The following SRD5A2 variants were observed in gnomAD, a reference collection of about 807,000 sequenced individuals.
The protein encoded by SRD5A2 is 3-oxo-5-alpha-steroid 4-dehydrogenase 2.
SRD5A2 carries 30 observed loss-of-function variants against 27.4 expected under a neutral mutation model. The ratio of observed to expected loss-of-function variants is 1.10; its 90% CI spans 0.82 to 1.49. The LOEUF (loss-of-function observed/expected upper bound fraction) is 1.49. SRD5A2 is among the 40% of genes most tolerant of loss of function. The pLI, the probability that SRD5A2 is intolerant of heterozygous loss-of-function variation, is 0.00. For synonymous variants in SRD5A2, 141 were observed against 133.6 expected (o/e 1.06, Z -0.38); for missense variants, 348 against 323.4 (o/e 1.08, Z -0.58).
chr2:31,542,994 A>G (rs1335987711), intron 1 of SRD5A2, among the ~76,000 whole-genome samples: 4 of 152,226 alleles, frequency 2.6e-5, no homozygotes, highest in African/African-American at 9.6e-5. Context: ...ACATGGATAT[A>G]CATTATAATC....
chr2:31,657,066 G>A, the SRD5A2 span, among the ~76,000 whole-genome samples: 1 of 152,134 alleles, frequency 6.6e-6, no homozygotes, highest in Non-Finnish European at 1.5e-5. Context: ...GATGAGACAG[G>A]ACAACTAAAT....
At chr2:31,569,246 T>C (rs1666801679) in intron 1 of SRD5A2, among the ~76,000 whole-genome samples, 1 of 152,290 alleles carries the variant, frequency 6.6e-6, no homozygotes, top group African/African-American at 2.4e-5. Context: ...CACATGCTTT[T>C]ATTTTTCTTA....
chr2:31,560,248 G>C (rs1666593669), intron 1 of SRD5A2, among the ~76,000 whole-genome samples: 1 of 152,068 alleles, frequency 6.6e-6, no homozygotes, highest in African/African-American at 2.4e-5. Flanking sequence ...CTGCTATTTA[G>C]AAATCTGTCA....
At chr2:31,595,062 T>C in the SRD5A2 span, among the ~76,000 whole-genome samples, 1 of 152,056 alleles carries the variant, frequency 6.6e-6, no homozygotes, top group Non-Finnish European at 1.5e-5. Context: ...GCAAAAGCAG[T>C]ACTAAGAGGA....
chr2:31,641,779 A>G, the SRD5A2 span, among the ~76,000 whole-genome samples: 8 of 152,148 alleles, frequency 5.3e-5, no homozygotes, highest in South Asian at 2.1e-4. Flanking sequence ...TTCCTGGGGG[A>G]AAAAAACAAC....
At chr2:31,581,598 G>A (rs1293818870), upstream of SRD5A2, among the ~76,000 whole-genome samples, 2 of 152,134 alleles carry the variant, frequency 1.3e-5, no homozygotes, top group African/African-American at 4.8e-5. Flanking sequence ...CCCCGCACGC[G>A]TCCCTGAGCC....
chr2:31,601,119 A>T, the SRD5A2 span, among the ~76,000 whole-genome samples: 1 of 151,950 alleles, frequency 6.6e-6, no homozygotes, highest in Admixed American at 6.6e-5. Flanking sequence ...TCCTTCAAAA[A>T]ATCAACCAAT....
chr2:31,541,754 AGACAAT>A (rs1666134136), intron 1 of SRD5A2, among the ~76,000 whole-genome samples: 1 of 152,178 alleles, frequency 6.6e-6, no homozygotes, highest in Non-Finnish European at 1.5e-5. Flanking sequence ...TAGCACAGAG[AGACAAT>A]CTGTAAACCT....
chr2:31,561,804 T>A (rs576319079), intron 1 of SRD5A2, among the ~76,000 whole-genome samples: 9 of 152,226 alleles, frequency 5.9e-5, no homozygotes, highest in South Asian at 2.1e-4. Context: ...TTTAAAAAAA[T>A]TTTTAATACC....
At chr2:31,574,655 C>A (rs1666919735) in intron 1 of SRD5A2, among the ~76,000 whole-genome samples, 1 of 151,986 alleles carries the variant, frequency 6.6e-6, no homozygotes, top group Non-Finnish European at 1.5e-5. Context: ...AACTTAGAAC[C>A]CAAGAATTCT....
intron 1 of SRD5A2, chr2:31,563,529 T>C (rs964347562): frequency 6.6e-6 from 1 of 152,018 alleles, no homozygotes; most frequent in Non-Finnish European, 1.5e-5. Context: ...CAGGCTGAGG[T>C]ACAGGGAAGG....
chr2:31,639,613 A>G, the SRD5A2 span, among the ~76,000 whole-genome samples: 3 of 151,784 alleles, frequency 2.0e-5, no homozygotes, highest in African/African-American at 7.3e-5. Context: ...TTTGCTGGAT[A>G]CCATTTCTCA....
chr2:31,537,602 C>A (rs908854210), intron 1 of SRD5A2, among the ~76,000 whole-genome samples: 1 of 152,200 alleles, frequency 6.6e-6, no homozygotes, highest in Non-Finnish European at 1.5e-5. Context: ...ATCCTCCTGA[C>A]CTCTAAATAT....
At chr2:31,633,287 A>T in the SRD5A2 span, among the ~76,000 whole-genome samples, 1 of 152,162 alleles carries the variant, frequency 6.6e-6, no homozygotes, top group South Asian at 2.1e-4. Flanking sequence ...TAATCAATGG[A>T]AATTACTTAA....
the SRD5A2 span, among the ~76,000 whole-genome samples, chr2:31,653,823 C>A: frequency 1.1e-4 from 16 of 152,126 alleles, no homozygotes; most frequent in South Asian, 2.1e-4. Context: ...CCATGCCCAG[C>A]TAATTTTTGT....
chr2:31,616,736 A>T, the SRD5A2 span, among the ~76,000 whole-genome samples: 3 of 152,122 alleles, frequency 2.0e-5, no homozygotes, highest in Non-Finnish European at 4.4e-5. Context: ...GAGACTTTGG[A>T]CTGTGGACTT....
intron 1 of SRD5A2, among the ~76,000 whole-genome samples, chr2:31,567,952 A>G (rs918275185): frequency 2.0e-5 from 3 of 152,074 alleles, no homozygotes; most frequent in Non-Finnish European, 2.9e-5. Context: ...TGTGTGTGTG[A>G]GTGAGCGCAG....
the SRD5A2 span, among the ~76,000 whole-genome samples, chr2:31,588,000 T>G: frequency 6.6e-6 from 1 of 152,104 alleles, no homozygotes; most frequent in African/African-American, 2.4e-5. Context: ...AATCTTTTCA[T>G]AGCAGAATTG....
chr2:31,538,121 G>A (rs941874537), intron 1 of SRD5A2, among the ~76,000 whole-genome samples: 1 of 152,190 alleles, frequency 6.6e-6, no homozygotes, highest in African/African-American at 2.4e-5. Context: ...CTTAAACTCA[G>A]ACTCCTGTGG....
Sources: gnomAD v4.1 joint callset for allele counts (sites outside exome capture counted in the v4.1 genomes callset) on GRCh38, gnomAD v4.1.1 for gene constraint, MANE v1.5 for transcripts, NCBI Gene and HGNC (gene_info 2026-07-23, HGNC 2026-07-21) for gene names.